Variants in MYO1G observed in about 807,000 individuals in gnomAD.
MYO1G encodes unconventional myosin-Ig.
A neutral mutation model predicts 115.3 loss-of-function variants in MYO1G; 65 were observed. The ratio of observed to expected loss-of-function variants is 0.56; its 90% CI spans 0.46 to 0.69. The LOEUF is 0.69. Among genes scored for constraint, MYO1G ranks in the 30% least tolerant of loss-of-function variants. MYO1G has a pLI of 0.00. For synonymous variants in MYO1G, 510 were observed against 552.6 expected (o/e 0.92, Z 1.08); for missense variants, 1,204 against 1,393.5 (o/e 0.86, Z 2.16).
rs1461201569 is a variant in MYO1G at position 44,964,511 on chromosome 7, G to A, written c.2535C>T (p.Asp845=). 1 of 1,613,642 alleles carries A rather than the reference G, an allele frequency of 6.2e-7. No homozygotes were observed. The highest frequency in any genetic ancestry group is 1.3e-5 in the African/African-American group (1 of 74,926). The part of the protein sequence containing the change: ...WARDYLSSAT[D]NPTASSLFAQ... ...CAAACAGGCTTGATGCTGTGGGATT[G>A]TCAGTGGCCTGAGGACAGATGGAGG... Residue 845 remains aspartate (D), a synonymous_variant, in exon 19 of 22, where the codon GAC becomes GAT. Transcript: ENST00000258787. The surrounding 1 kb of genome is among the most constrained non-coding windows in gnomAD (Gnocchi z 5.1).
At position 44,969,981 on chromosome 7, in the gene MYO1G, A is replaced by T. The variant is rs534027129; in HGVS notation, c.1332+59T>A. On this transcript the variant is annotated intron_variant, in intron 10 of 21. Coordinates refer to ENST00000258787, the MANE Select transcript of MYO1G (RefSeq NM_033054.3). The surrounding 1 kb of genome is among the most constrained non-coding windows in gnomAD (Gnocchi z 5.0). ...GTCAGGCCAGCCCGGGCCCCTCCCC[A>T]TGGGCTGAGGCCCCTCCACACCCCA... 6.3e-7 allele frequency: 1 copy of T among 1,594,696 alleles called. No individual in the cohort carries two copies. The highest frequency in any genetic ancestry group is 1.7e-5 in the Admixed American group (1 of 59,312).
chr7:44,964,002 G>T lies in MYO1G; in HGVS notation c.2745+47C>A. On this transcript the variant is annotated intron_variant, in intron 20 of 21. Coordinates refer to ENST00000258787, the MANE Select transcript of MYO1G (RefSeq NM_033054.3). This position sits in a 1 kb window ranked among gnomAD's most constrained non-coding sequence, Gnocchi z 5.1. ...AGGCAGGACTCTGAGCAGCCCAGCA[G>T]TGCCCCTCACAGATGCTGCACCCTA... 7.0e-7 allele frequency: 1 copy of T among 1,433,544 alleles called. No homozygotes were observed. The highest frequency in any genetic ancestry group is 9.6e-7 in the Non-Finnish European group (1 of 1,040,878). The allele number at this position is 1,433,544 out of a possible 1,614,324, so 88.8% of individuals were successfully genotyped here. A position where few individuals can be genotyped will look rare whatever the true frequency, so the allele number is the denominator to read the frequency against.
In MYO1G at chr7:44,978,859, G is replaced by T. The variant is rs754952378; in HGVS notation, c.95+8C>A. On this transcript the variant is annotated splice_region_variant and intron_variant, in intron 1 of 21. Transcript: ENST00000258787. ...GAGGGGAGCCACTGCCTCCTGCCCT[G>T]GGCCTACCTGAGCTGCAGGTTCCTC... The T allele has an allele frequency of 1.9e-6, 3 of 1,613,428 alleles. No individual in the cohort carries two copies. The Admixed American group carries it at 5.0e-5, about 27-fold the overall frequency.
rs1445033818 is a variant in MYO1G at position 44,966,612 on chromosome 7, C to T, written c.1949+60G>A. ...GCTGTTTGGGGACCCTCTGCTCCTA[C>T]CCCTTGGACTCCACACAGGGACTAT... On this transcript the variant is annotated intron_variant, in intron 15 of 21. Transcript: ENST00000258787. This position sits in a 1 kb window ranked among gnomAD's most constrained non-coding sequence, Gnocchi z 5.0. 2 of 1,599,726 alleles carry T rather than the reference C, an allele frequency of 1.3e-6. No individual in the cohort carries two copies. The highest frequency in any genetic ancestry group is 1.3e-5 in the African/African-American group (1 of 74,636).
In MYO1G at chr7:44,969,450, G is replaced by T. The variant is rs760750378; in HGVS notation, c.1537C>A (p.Arg513=). 3 of 1,613,888 alleles carry T rather than the reference G, an allele frequency of 1.9e-6. No individual in the cohort carries two copies. Among genetic ancestry groups the T allele is most frequent in the Admixed American group, 1.7e-5 (1 of 60,010 alleles). ...GCATAGTGCTTGATCCGGAAGTCTCGGCCAAACTCCATGGTCTTGTCTGTG... is the reference window on the plus strand; with the variant it reads ...GCATAGTGCTTGATCCGGAAGTCTCTGCCAAACTCCATGGTCTTGTCTGTG... ...CPTDKTMEFG[R]DFRIKHYAGD... is the part of the protein sequence containing the mutation. Residue 513 remains arginine, a synonymous_variant, in exon 12 of 22, where the codon CGA becomes AGA. Transcript: ENST00000258787. The surrounding 1 kb of genome is among the most constrained non-coding windows in gnomAD (Gnocchi z 5.0).
In MYO1G at chr7:44,966,589, T is replaced by C; in HGVS notation, c.1949+83A>G. On this transcript the variant is annotated intron_variant, in intron 15 of 21. Transcript: ENST00000258787. The surrounding 1 kb of genome is among the most constrained non-coding windows in gnomAD (Gnocchi z 5.0). ...GCTTGTATCGATGTTTGCGACGTGC[T>C]GTTTGGGGACCCTCTGCTCCTACCC... is the stretch of plus-strand genomic sequence containing the variant. 6.5e-7 allele frequency: 1 copy of C among 1,544,236 alleles called. No individual in the cohort carries two copies. Among genetic ancestry groups the C allele is most frequent in the Non-Finnish European group, 8.9e-7 (1 of 1,120,308 alleles).
Position 44,971,038 on chromosome 7 carries a change from T to C in MYO1G, c.868A>G (p.Thr290Ala). Residue 290 changes from threonine to alanine, a missense_variant, in exon 8 of 22, where the codon ACG (threonine) becomes GCG (alanine). Thr to Ala is a moderately conservative substitution (Grantham distance 58). Transcript: ENST00000258787. ...LHLGNIEFVE[T>A]EEGGLQKEGL... ...TCCTTCTGCAGCCCACCCTCCTCCG[T>C]CTCCACAAACTCGATGTTTCCCTGG... The C allele has an allele frequency of 6.2e-7, 1 of 1,611,888 alleles. No homozygotes were observed. Among genetic ancestry groups the C allele is most frequent in the Non-Finnish European group, 8.5e-7 (1 of 1,179,582 alleles).
chr7:44,969,149 T>G lies in MYO1G; in HGVS notation c.1574+264A>C. 19 of 334,972 alleles carry G rather than the reference T, an allele frequency of 5.7e-5. No individual in the cohort carries two copies. Among genetic ancestry groups the G allele is most frequent in the Non-Finnish European group, 8.6e-5 (15 of 173,866 alleles). The allele number at this position is 334,972 out of a possible 1,614,324, so 20.7% of individuals were successfully genotyped here. ...CCACCCCACAGATGCTGGTATAGGG[T>G]TGGGCCCAGACATGAGACGTGGGTA... is the stretch of plus-strand genomic sequence containing the variant. On this transcript the variant is annotated intron_variant, in intron 12 of 21. Coordinates refer to ENST00000258787, the MANE Select transcript of MYO1G (RefSeq NM_033054.3). This position sits in a 1 kb window ranked among gnomAD's most constrained non-coding sequence, Gnocchi z 5.0.
chr7:44,966,500 T>C lies in MYO1G; in HGVS notation c.1949+172A>G. 1 of 879,682 alleles carries C rather than the reference T, an allele frequency of 1.1e-6. No individual in the cohort carries two copies. Among genetic ancestry groups the C allele is most frequent in the Non-Finnish European group, 1.8e-6 (1 of 544,832 alleles). The allele number at this position is 879,682 out of a possible 1,614,324, so 54.5% of individuals were successfully genotyped here. A position where few individuals can be genotyped will look rare whatever the true frequency, so the allele number is the denominator to read the frequency against. Reference sequence around the variant, plus strand: ...TCCCACCTGTATGTCCCCACATGCATGTGCTCACACACATGTCTTCCCAGA... The same window carrying C: ...TCCCACCTGTATGTCCCCACATGCACGTGCTCACACACATGTCTTCCCAGA... On this transcript the variant is annotated intron_variant, in intron 15 of 21. Transcript: ENST00000258787. The surrounding 1 kb of genome is among the most constrained non-coding windows in gnomAD (Gnocchi z 5.0).
chr7:44,965,703 A>G lies in MYO1G; in HGVS notation c.2315T>C (p.Leu772Pro). The G allele has an allele frequency of 6.2e-7, 1 of 1,613,208 alleles. No individual in the cohort carries two copies. The highest frequency in any genetic ancestry group is 8.5e-7 in the Non-Finnish European group (1 of 1,180,022). Residue 772 changes from leucine (L) to proline (P), a missense_variant, in exon 17 of 22, where the codon CTT (leucine) becomes CCT (proline). By Grantham distance (98) the Leu-to-Pro change is moderately conservative (BLOSUM62 -3). Transcript: ENST00000258787. ...ARQPPLYGRD[L>P]VWPLPPAVLQ... is the part of the protein sequence containing the mutation. ...CACAGCAGGGGGCAGCGGCCACACA[A>G]GGTCACGCCCGTAGAGTGGCGGCTG... is the stretch of plus-strand genomic sequence containing the variant.
intron 12 of MYO1G, among the ~76,000 whole-genome samples, 155 bp from the exon 13 acceptor site, chr7:44,968,113 C>G (rs1482008943): frequency 6.6e-6 from 1 of 152,188 alleles, no homozygotes; most frequent in East Asian, 1.9e-4. Context: ...CCTCCTTCCC[C>G]CTCACACCTG....
Position 44,964,910 on chromosome 7 carries a change from TC to T in MYO1G, c.2526+34del. On this transcript the variant is annotated intron_variant, in intron 18 of 21. Coordinates refer to ENST00000258787, the MANE Select transcript of MYO1G (RefSeq NM_033054.3). This position sits in a 1 kb window ranked among gnomAD's most constrained non-coding sequence, Gnocchi z 5.1. ...CGAGAGCCCTCTTTGGCAGCCCACTTCCCCCTGGCAGCCCTGGACTCGCCTG... is the reference window on the plus strand; with the variant it reads ...CGAGAGCCCTCTTTGGCAGCCCACTTCCCCTGGCAGCCCTGGACTCGCCTG... 6.3e-7 allele frequency: 1 copy of T among 1,577,144 alleles called. No individual in the cohort carries two copies. Among genetic ancestry groups the T allele is most frequent in the South Asian group, 1.1e-5 (1 of 88,796 alleles).
intron 2 of MYO1G, 35 bp downstream of exon 2, chr7:44,976,828 G>T: frequency 6.2e-7 from 1 of 1,607,816 alleles, no homozygotes. Flanking sequence ...AAATGAAGAT[G>T]CCGAGGGTGG....
In MYO1G at chr7:44,972,150, G is replaced by T. The variant is rs753424886; in HGVS notation, c.694C>A (p.His232Asn). 4.3e-6 allele frequency: 7 copies of T among 1,614,006 alleles called. No individual in the cohort carries two copies. The East Asian group carries it at 1.6e-4, about 36-fold the overall frequency. Residue 232 changes from histidine to asparagine, a missense_variant, in exon 6 of 22, where the codon CAC (histidine) becomes AAC (asparagine). His to Asn is a moderately conservative substitution (Grantham distance 68). Transcript: ENST00000258787. ...GTCATGTTGAGTCCTGCTCCCTGGT[G>T]TGTGAAATTGTATACAGCAGGGTTT... ...ERNPAVYNFT[H>N]QGAGLNMTVH... is the part of the protein sequence containing the mutation.
Position 44,968,893 on chromosome 7 carries a change from A to C in MYO1G, c.1574+520T>G, listed in dbSNP as rs77517727. The C allele has an allele frequency of 7.7e-3, 1,250 of 162,094 alleles. 18 individuals are homozygous for C. The highest frequency in any genetic ancestry group is 0.029 in the African/African-American group (1,203 of 41,760). 10.0% of individuals were successfully genotyped at this position (162,094 alleles called of 1,614,324 possible). A position where few individuals can be genotyped will look rare whatever the true frequency, so the allele number is the denominator to read the frequency against. Reference sequence around the variant, plus strand: ...TCCCTCTCCTTGAGAAGTTCTCATGAAACACTTATACCTTGATGTGAGTCA... The same window carrying C: ...TCCCTCTCCTTGAGAAGTTCTCATGCAACACTTATACCTTGATGTGAGTCA... On this transcript the variant is annotated intron_variant, in intron 12 of 21. Coordinates refer to ENST00000258787, the MANE Select transcript of MYO1G (RefSeq NM_033054.3).
At chr7:44,971,835 G>A in intron 6 of MYO1G, 46 bp from the exon 7 acceptor site, 1 of 1,392,448 alleles carries the variant, frequency 7.2e-7, no homozygotes. Context: ...CTGGGCCCAG[G>A]ACACCTGTCT....
At position 44,967,694 on chromosome 7, in the gene MYO1G, C is replaced by T. The variant is rs747346222; in HGVS notation, c.1693G>A (p.Asp565Asn). 4 of 1,613,696 alleles carry T rather than the reference C, an allele frequency of 2.5e-6. No individual in the cohort carries two copies. The highest frequency in any genetic ancestry group is 2.2e-5 in the South Asian group (2 of 91,088). The stretch of plus-strand genomic sequence containing the variant: ...GGGCGCTTGGTCACCTCTGTGATGT[C>T]CTGCTGCCCGTCCGGCCACATGGCC... ...LRAMWPDGQQ[D>N]ITEVTKRPLT... Residue 565 changes from aspartate to asparagine, a missense_variant, in exon 14 of 22, where the codon GAC becomes AAC. Asp to Asn is a conservative substitution (Grantham distance 23). Coordinates refer to ENST00000258787, the MANE Select transcript of MYO1G (RefSeq NM_033054.3).
In MYO1G at chr7:44,976,873, G is replaced by A. The variant is rs762257344; in HGVS notation, c.294C>T (p.Ile98=). ...AMKHRSRDTC[I]VISGESGAGK... is the part of the protein sequence containing the mutation. ...GGCAGGGACAGGTACCTGAGATGAC[G>A]ATGCAGGTGTCCCTGGACCGGTGCT... is the stretch of plus-strand genomic sequence containing the variant. Residue 98 remains isoleucine (I), a synonymous_variant, in exon 2 of 22, where the codon ATC becomes ATT. Transcript: ENST00000258787. 10 of 1,613,356 alleles carry A rather than the reference G, an allele frequency of 6.2e-6. No homozygotes were observed. The highest frequency in any genetic ancestry group is 3.3e-5 in the Admixed American group (2 of 60,024).
At position 44,975,498 on chromosome 7, in the gene MYO1G, A is replaced by G; in HGVS notation, c.550T>C (p.Tyr184His). The change falls in exon 4 of 22, where the codon TAC (tyrosine) becomes CAC (histidine). Residue 184 changes from tyrosine (Y) to histidine (H), a missense_variant. By Grantham distance (83) the Tyr-to-His change is moderately conservative. Coordinates refer to ENST00000258787, the MANE Select transcript of MYO1G (RefSeq NM_033054.3). ...CACCTGCCCACCTTCTCCAGTAGGTAGCTGTGGATGTGTCCTCCGATCGGG... is the reference window on the plus strand; with the variant it reads ...CACCTGCCCACCTTCTCCAGTAGGTGGCTGTGGATGTGTCCTCCGATCGGG... ...GDPIGGHIHS[Y>H]LLEKSRVLKQ... The G allele has an allele frequency of 6.2e-7, 1 of 1,611,646 alleles. No homozygotes were observed. The highest frequency in any genetic ancestry group is 1.1e-5 in the South Asian group (1 of 90,788).
Sources: allele counts gnomAD v4.1 joint callset (sites outside exome capture counted in the v4.1 genomes callset), GRCh38; gene constraint gnomAD v4.1.1; non-coding constraint Gnocchi (gnomAD v3.1); transcripts MANE v1.5; gene names NCBI Gene and HGNC (gene_info 2026-07-23, HGNC 2026-07-21).